Variants in CCDC110 observed in about 807,000 individuals in gnomAD.
CCDC110 encodes coiled-coil domain-containing protein 110.
Under a neutral mutation model 77.1 loss-of-function variants are expected in CCDC110, and 70 were observed. The ratio of observed to expected loss-of-function variants is 0.91; its 90% CI spans 0.75 to 1.11. The LOEUF (loss-of-function observed/expected upper bound fraction) is 1.11. Among genes scored for constraint, CCDC110 ranks in the 50% least tolerant of loss-of-function variants. The pLI is 0.00. For missense variants in CCDC110, 868 were observed against 942.9 expected (o/e 0.92, Z 1.04); for synonymous variants, 295 against 312.5 (o/e 0.94, Z 0.59).
Position 185,458,168 on chromosome 4 carries a change from T to A in CCDC110, c.2419A>T (p.Thr807Ser). The change falls in exon 6 of 7, where the codon ACT (threonine) becomes TCT (serine). Residue 807 changes from threonine (T) to serine (S), a missense_variant. By Grantham distance (58) the Thr-to-Ser change is moderately conservative. Coordinates refer to ENST00000307588, the MANE Select transcript of CCDC110 (RefSeq NM_152775.4). ...AAAGGCCTACTCTGAGGACTAGAAG[T>A]ATCTTCGTGAGTATAGTTGTCAAAA... is the stretch of plus-strand genomic sequence containing the variant. ...FHFDNYTHED[T>S]SSPQSRPLAS... is the part of the protein sequence containing the mutation. The A allele has an allele frequency of 6.3e-7, 1 of 1,591,396 alleles. No homozygotes were observed. Among genetic ancestry groups the A allele is most frequent in the Non-Finnish European group, 8.5e-7 (1 of 1,173,792 alleles).
At chr4:185,465,645 A>T (rs2095654191) in intron 2 of CCDC110, among the ~76,000 whole-genome samples, 1 of 152,222 alleles carries the variant, frequency 6.6e-6, no homozygotes, top group South Asian at 2.1e-4. Context: ...GAATGATTTG[A>T]TCTGACTGAA....
intron 4 of CCDC110, among the ~76,000 whole-genome samples, chr4:185,461,533 G>C (rs963328878): frequency 1.3e-5 from 2 of 152,116 alleles, no homozygotes; most frequent in Non-Finnish European, 2.9e-5. Context: ...AGAATATTGG[G>C]ATGAAGTTTA....
intron 6 of CCDC110, among the ~76,000 whole-genome samples, chr4:185,455,747 G>A (rs556900523): frequency 2.0e-5 from 3 of 152,168 alleles, no homozygotes; most frequent in South Asian, 2.1e-4. Flanking sequence ...GCCGGGCATG[G>A]TAGTAGGCGC....
chr4:185,465,972 T>G (rs1398771380), intron 2 of CCDC110, among the ~76,000 whole-genome samples: 1 of 152,128 alleles, frequency 6.6e-6, no homozygotes, highest in Non-Finnish European at 1.5e-5. Flanking sequence ...AGAAAAACAT[T>G]TTTAGATATG....
chr4:185,452,240 C>T, intron 6 of CCDC110: 1 of 985,448 alleles, frequency 1.0e-6, no homozygotes, highest in Non-Finnish European at 1.2e-6. Flanking sequence ...TATCTACTCT[C>T]CTGTTATGAT....
chr4:185,471,531 C>T, intron 1 of CCDC110, 143 bp downstream of exon 1: 1 of 936,480 alleles, frequency 1.1e-6, no homozygotes, highest in Non-Finnish European at 1.6e-6. Context: ...AGCCCTAGGG[C>T]CGAGCGGGAG....
intron 6 of CCDC110, among the ~76,000 whole-genome samples, chr4:185,454,384 T>C (rs2095633225): frequency 6.6e-6 from 1 of 152,154 alleles, no homozygotes; most frequent in Admixed American, 6.5e-5. Context: ...AAAATCTTCA[T>C]AAAGCAATTT....
rs1390828509 is a variant in CCDC110, at chr4:185,471,435, C to G, written c.10+239G>C. The G allele has an allele frequency of 5.0e-5, 20 of 402,442 alleles. No homozygotes were observed. In the Admixed American group the frequency reaches 6.5e-4, roughly 13 times the overall value. 24.9% of individuals were successfully genotyped at this position (402,442 alleles called of 1,614,324 possible). ...GCGGCGCTTTCCGCAAGCGGCCACC[C>G]GAGGGCGCGCTGGGCGGGCGGCGGC... On this transcript the variant is annotated intron_variant, in intron 1 of 6. Transcript: ENST00000307588.
rs547145634 is a variant in CCDC110 at position 185,471,477 on chromosome 4, A to G, written c.10+197T>C. 161 of 540,232 alleles carry G rather than the reference A, an allele frequency of 3.0e-4. 1 individual carries two copies. In the East Asian group the frequency reaches 5.4e-3, roughly 18 times the overall value. The allele number at this position is 540,232 out of a possible 1,614,324, so 33.5% of individuals were successfully genotyped here. ...GGCGGCGGCGGCAGACCACGTAGCC[A>G]GCCTGTAAGCCACAGCGGACGCAGG... On this transcript the variant is annotated intron_variant, in intron 1 of 6. Transcript: ENST00000307588.
At position 185,458,120 on chromosome 4, in the gene CCDC110, G is replaced by A; in HGVS notation, c.2461+6C>T. On this transcript the variant is annotated splice_donor_region_variant and intron_variant, in intron 6 of 6. Transcript: ENST00000307588. ...CATCTCTACTAATCTACCAGGACTT[G>A]CGTACCTTTCAAATCCGAAGCCAAA... 2 of 1,532,836 alleles carry A rather than the reference G, an allele frequency of 1.3e-6. No homozygotes were observed. The highest frequency in any genetic ancestry group is 1.7e-6 in the Non-Finnish European group (2 of 1,146,826). 95.0% of individuals were successfully genotyped at this position (1,532,836 alleles called of 1,614,324 possible). A position where few individuals can be genotyped will look rare whatever the true frequency, so the allele number is the denominator to read the frequency against.
chr4:185,458,140 G>A lies in CCDC110; in HGVS notation c.2447C>T (p.Ala816Val), dbSNP rs781178242. Reference sequence around the variant, plus strand: ...GACTTGCGTACCTTTCAAATCCGAAGCCAAAGGCCTACTCTGAGGACTAGA... The same window carrying A: ...GACTTGCGTACCTTTCAAATCCGAAACCAAAGGCCTACTCTGAGGACTAGA... Reference protein sequence around the residue: ...DTSSPQSRPLASDLKGYFKVK... With the variant: ...DTSSPQSRPLVSDLKGYFKVK... The change falls in exon 6 of 7, where the codon GCT (alanine) becomes GTT (valine). Residue 816 changes from alanine to valine, a missense_variant. Physicochemically the swap from Ala to Val is moderately conservative, Grantham distance 64. Transcript: ENST00000307588. 6.4e-6 allele frequency: 10 copies of A among 1,553,930 alleles called. No individual in the cohort carries two copies.
Position 185,459,999 on chromosome 4 carries a change from A to T in CCDC110, c.588T>A (p.Asn196Lys). The change falls in exon 6 of 7, where the codon AAT becomes AAA. Residue 196 changes from asparagine (N) to lysine (K), a missense_variant. Asn to Lys is a moderately conservative substitution (Grantham distance 94). Transcript: ENST00000307588. ...GTAGAAAACGATAAAAGTTATTATA[A>T]TTCTTCAAGATGTCAGAATTTTCTG... ...HPSENSDILK[N>K]YNNFYRFLPT... 6.2e-7 allele frequency: 1 copy of T among 1,613,442 alleles called. No homozygotes were observed. The highest frequency in any genetic ancestry group is 8.5e-7 in the Non-Finnish European group (1 of 1,179,610).
intron 6 of CCDC110, among the ~76,000 whole-genome samples, chr4:185,448,640 A>G (rs545116779): frequency 2.6e-5 from 4 of 152,310 alleles, no homozygotes; most frequent in South Asian, 2.1e-4. Flanking sequence ...TGGTAAAGAT[A>G]TGGAGCTTTT....
chr4:185,455,906 A>C lies in CCDC110; in HGVS notation c.2461+2220T>G, dbSNP rs150683204. Among the ~76,000 whole-genome samples the C allele has an allele frequency of 3.4e-3, 520 of 152,198 alleles. 4 individuals are homozygous for C. The highest frequency in any genetic ancestry group is 0.012 in the African/African-American group (496 of 41,534). On this transcript the variant is annotated intron_variant, in intron 6 of 6. Transcript: ENST00000307588. ...TCTCAAAAAAAAAATATTAATAATAAAAATTAAAAGAGCTTTAAAACACAC... is the reference window on the plus strand; with the variant it reads ...TCTCAAAAAAAAAATATTAATAATACAAATTAAAAGAGCTTTAAAACACAC...
intron 6 of CCDC110, among the ~76,000 whole-genome samples, chr4:185,451,238 T>G (rs544652965): frequency 6.6e-6 from 1 of 152,134 alleles, no homozygotes; most frequent in African/African-American, 2.4e-5. Context: ...TTATAAATTA[T>G]CCAGTCTTGG....
Position 185,448,036 on chromosome 4 carries a change from T to C in CCDC110, c.2462-2494A>G, listed in dbSNP as rs151033610. On this transcript the variant is annotated intron_variant, in intron 6 of 6. Coordinates refer to ENST00000307588, the MANE Select transcript of CCDC110 (RefSeq NM_152775.4). ...ATACGTTTTGTCTTTTTTTCCTTTT[T>C]TGAGATGGAGTTTCACTCTTGTCAC... Among the ~76,000 whole-genome samples, 512 of 152,308 alleles carry C rather than the reference T, an allele frequency of 3.4e-3. 3 individuals are homozygous for C. Among genetic ancestry groups the C allele is most frequent in the Admixed American group, 5.8e-3 (89 of 15,296 alleles).
chr4:185,445,868 T>C (rs899848459), intron 6 of CCDC110, among the ~76,000 whole-genome samples: 1 of 152,164 alleles, frequency 6.6e-6, no homozygotes, highest in Non-Finnish European at 1.5e-5. Flanking sequence ...TGAGACGGAG[T>C]TTCGCTCTTA....
Position 185,445,393 on chromosome 4 carries a change from C to G in CCDC110, c.*109G>C. On this transcript the variant is annotated 3_prime_UTR_variant, in exon 7 of 7. Coordinates refer to ENST00000307588, the MANE Select transcript of CCDC110 (RefSeq NM_152775.4). ...CATAATTTTTAAAGCAAATATATAG[C>G]GCCTCATTATGAGTCATTTGAGATG... 2.4e-6 allele frequency: 2 copies of G among 842,358 alleles called. No homozygotes were observed. The highest frequency in any genetic ancestry group is 1.9e-6 in the Non-Finnish European group (1 of 522,980). 52.2% of individuals were successfully genotyped at this position (842,358 alleles called of 1,614,324 possible).
chr4:185,459,321 C>A lies in CCDC110; in HGVS notation c.1266G>T (p.Glu422Asp), dbSNP rs772110001. Reference sequence around the variant, plus strand: ...AGTACTGAATTTTTGCAACACACTGCTCAGTAACGGAATTAACTTTGGAAG... The same window carrying A: ...AGTACTGAATTTTTGCAACACACTGATCAGTAACGGAATTAACTTTGGAAG... ...EKTSKVNSVTEQCVAKIQYLQ... is the reference protein window; with the variant it reads ...EKTSKVNSVTDQCVAKIQYLQ... The change falls in exon 6 of 7, where the codon GAG (glutamate) becomes GAT (aspartate). Residue 422 changes from glutamate to aspartate, a missense_variant. Coordinates refer to ENST00000307588, the MANE Select transcript of CCDC110 (RefSeq NM_152775.4). The A allele has an allele frequency of 9.9e-6, 16 of 1,612,796 alleles. No homozygotes were observed. The highest frequency in any genetic ancestry group is 1.4e-5 in the Non-Finnish European group (16 of 1,179,286).
Sources: allele counts gnomAD v4.1 joint callset (sites outside exome capture counted in the v4.1 genomes callset), GRCh38; gene constraint gnomAD v4.1.1; transcripts MANE v1.5; gene names NCBI Gene and HGNC (gene_info 2026-07-23, HGNC 2026-07-21).